The following CRTC3 variants were observed in gnomAD, a reference collection of about 807,000 sequenced individuals.
CRTC3 encodes CREB regulated transcription coactivator 3, also known as CREB-regulated transcription coactivator 3.
A neutral mutation model predicts 74.5 loss-of-function variants in CRTC3; 26 were observed. The ratio of observed to expected loss-of-function variants is 0.35; its 90% confidence interval spans 0.26 to 0.48. CRTC3 has a LOEUF of 0.48. Among genes scored for constraint, CRTC3 ranks in the 20% least tolerant of loss-of-function variants. The probability of loss-of-function intolerance (pLI) is 0.99; values close to 1 mark genes in which losing one functional copy is unlikely to be tolerated. For missense variants in CRTC3, 760 were observed against 787.3 expected, an observed-to-expected ratio of 0.97 and a Z score of 0.41; for synonymous variants, 377 against 325.8, an observed-to-expected ratio of 1.16 and a Z score of -1.69.
chr15:90,557,951 C>G (rs1455695843), intron 2 of CRTC3, among the ~76,000 whole-genome samples: 2 of 152,090 alleles, frequency 1.3e-5, no homozygotes, highest in African/African-American at 2.4e-5. Flanking sequence ...AACACAGTGA[C>G]CAATGCACTT....
intron 2 of CRTC3, among the ~76,000 whole-genome samples, chr15:90,565,415 G>A (rs1032475731): frequency 2.0e-5 from 3 of 152,178 alleles, no homozygotes; most frequent in South Asian, 2.1e-4. Context: ...TCATAACTTA[G>A]CCTTTTTACC....
At chr15:90,560,807 G>A (rs1238851300) in intron 2 of CRTC3, among the ~76,000 whole-genome samples, 4 of 152,184 alleles carry the variant, frequency 2.6e-5, no homozygotes, top group Non-Finnish European at 4.4e-5. Flanking sequence ...TGCAGGTTCA[G>A]GTTTAGTTTG....
intron 13 of CRTC3, among the ~76,000 whole-genome samples, chr15:90,640,685 A>G (rs997979536): frequency 6.6e-6 from 1 of 152,038 alleles, no homozygotes; most frequent in Non-Finnish European, 1.5e-5. Flanking sequence ...CTTTAAAAAA[A>G]AAAAGAAGAA....
At chr15:90,623,405 C>T (rs144842187) in intron 9 of CRTC3, among the ~76,000 whole-genome samples, 317 of 152,248 alleles carry the variant, frequency 2.1e-3, no homozygotes, top group African/African-American at 7.3e-3. Context: ...AAATAGAATT[C>T]GTGATCTCAT....
intron 6 of CRTC3, among the ~76,000 whole-genome samples, chr15:90,611,294 C>T (rs1056893138): frequency 2.6e-5 from 4 of 151,990 alleles, no homozygotes; most frequent in Admixed American, 2.0e-4. Flanking sequence ...GGCATGGGAG[C>T]ACACAGAAGG....
intron 2 of CRTC3, among the ~76,000 whole-genome samples, chr15:90,556,811 T>C (rs1333560107): frequency 1.3e-5 from 2 of 152,034 alleles, no homozygotes; most frequent in Admixed American, 1.3e-4. Context: ...CATATTAAAA[T>C]AGAAGGTTTA....
chr15:90,607,270 A>G, intron 5 of CRTC3, 108 bp from the exon 6 acceptor site: 1 of 680,176 alleles, frequency 1.5e-6, no homozygotes, highest in Non-Finnish European at 2.6e-6. Context: ...GGTTGATTAT[A>G]AATCAGTTAT....
intron 2 of CRTC3, among the ~76,000 whole-genome samples, chr15:90,570,678 C>T (rs1967242657): frequency 6.6e-6 from 1 of 152,118 alleles, no homozygotes. Context: ...AGGTGAATTA[C>T]CTGAGGTCCG....
chr15:90,641,244 G>C (rs1343685378), intron 14 of CRTC3, 45 bp downstream of exon 14: 1 of 1,256,340 alleles, frequency 8.0e-7, no homozygotes, highest in South Asian at 1.2e-5. Flanking sequence ...TTATGTTGTT[G>C]TGTGTTCAGG....
At chr15:90,614,518 G>C in intron 7 of CRTC3, 30 bp downstream of exon 7, 1 of 1,493,528 alleles carries the variant, frequency 6.7e-7, no homozygotes, top group Non-Finnish European at 9.3e-7. Flanking sequence ...ACCTATATTG[G>C]AGTGGGATGC....
chr15:90,612,140 C>T (rs754584358), intron 6 of CRTC3, among the ~76,000 whole-genome samples: 13 of 150,466 alleles, frequency 8.6e-5, no homozygotes, highest in Non-Finnish European at 1.0e-4. Flanking sequence ...GCTTCGCTTC[C>T]GGTTGTCTAA....
rs532807847 is a variant in CRTC3, at chr15:90,611,851, C to T, written c.578-2602C>T. ...TCCTACTCTGCTGCAAGAGCAGTCT[C>T]TGAAGCTTAACTCTGATCATGTCAC... On this transcript the variant is annotated intron_variant, in intron 6 of 14. Transcript: ENST00000268184. 5.9e-4 allele frequency among the ~76,000 whole-genome samples: 90 copies of T among 152,302 alleles called. 1 individual carries two copies. The highest frequency in any genetic ancestry group is 2.1e-3 in the African/African-American group (87 of 41,554).
chr15:90,542,851 T>C (rs1034213375), intron 2 of CRTC3, among the ~76,000 whole-genome samples: 3 of 152,194 alleles, frequency 2.0e-5, no homozygotes, highest in Non-Finnish European at 2.9e-5. Context: ...ATATAACCCC[T>C]CAATTGGGGT....
chr15:90,586,284 C>T (rs1967657203), intron 2 of CRTC3, among the ~76,000 whole-genome samples: 1 of 150,460 alleles, frequency 6.6e-6, no homozygotes, highest in African/African-American at 2.4e-5. Flanking sequence ...AATACTTTTT[C>T]AAAGTATTAA....
At chr15:90,556,958 C>CTATA (rs6145675) in intron 2 of CRTC3, among the ~76,000 whole-genome samples, 2,463 of 129,674 alleles carry the variant, frequency 0.019, 34 homozygotes, top group East Asian at 0.028. Flanking sequence ...CACCACATGG[C>CTATA]TATATATATA....
chr15:90,614,890 C>T (rs1295883402), intron 7 of CRTC3, among the ~76,000 whole-genome samples: 1 of 151,892 alleles, frequency 6.6e-6, no homozygotes, highest in Non-Finnish European at 1.5e-5. Flanking sequence ...ATGGTGAAAC[C>T]CCGTCTCTAC....
intron 2 of CRTC3, among the ~76,000 whole-genome samples, chr15:90,550,014 C>G (rs1027706007): frequency 7.3e-5 from 11 of 151,502 alleles, no homozygotes; most frequent in Non-Finnish European, 1.5e-4. Flanking sequence ...CCATTCACTT[C>G]TTTTAAAAAA....
intron 1 of CRTC3, among the ~76,000 whole-genome samples, chr15:90,531,785 T>G (rs1966630906): frequency 6.6e-6 from 1 of 152,188 alleles, no homozygotes; most frequent in Non-Finnish European, 1.5e-5. Context: ...GTACATTGTT[T>G]ATGTACAAAT....
At chr15:90,567,873 C>T (rs1248188503) in intron 2 of CRTC3, among the ~76,000 whole-genome samples, 1 of 152,090 alleles carries the variant, frequency 6.6e-6, no homozygotes, top group Non-Finnish European at 1.5e-5. Flanking sequence ...TTAAGAAATA[C>T]ATTTCATAAG....
Sources: allele counts gnomAD v4.1 joint callset (sites outside exome capture counted in the v4.1 genomes callset), GRCh38; gene constraint gnomAD v4.1.1; transcripts MANE v1.5; gene names NCBI Gene and HGNC (gene_info 2026-07-23, HGNC 2026-07-21).